LUZP2: variants seen among roughly 807,000 people sequenced by gnomAD.
The protein encoded by LUZP2 is leucine zipper protein 2.
Under a neutral mutation model 51.6 loss-of-function variants are expected in LUZP2, and 52 were observed. The ratio of observed to expected loss-of-function variants is 1.01; its 90% CI spans 0.81 to 1.27. The LOEUF (loss-of-function observed/expected upper bound fraction) is 1.27, where lower values mean the gene tolerates loss of function less well. LUZP2 is among the 50% of genes most tolerant of loss of function. The pLI is 0.00. For synonymous variants in LUZP2, 154 were observed against 137.3 expected (o/e 1.12, Z -0.85); for missense variants, 436 against 395.4 (o/e 1.10, Z -0.87).
chr11:24,995,120 G>A (rs1026033426), intron 9 of LUZP2, among the ~76,000 whole-genome samples: 1 of 152,132 alleles, frequency 6.6e-6, no homozygotes, highest in African/African-American at 2.4e-5. Flanking sequence ...TGGATGTGAT[G>A]GCTCACACCT....
intron 9 of LUZP2, among the ~76,000 whole-genome samples, chr11:24,985,352 C>T (rs1460486255): frequency 8.6e-5 from 13 of 151,482 alleles, no homozygotes; most frequent in Admixed American, 7.3e-4. Flanking sequence ...CAGGAGATGA[C>T]GTATCTTTTA....
chr11:24,963,856 G>C (rs559978308), intron 7 of LUZP2, among the ~76,000 whole-genome samples: 1 of 152,142 alleles, frequency 6.6e-6, no homozygotes, highest in Non-Finnish European at 1.5e-5. Flanking sequence ...CGTCTTCTGC[G>C]TTGCTCATGC....
intron 9 of LUZP2, among the ~76,000 whole-genome samples, chr11:25,026,731 T>C (rs934893345): frequency 2.6e-5 from 4 of 152,110 alleles, no homozygotes; most frequent in Non-Finnish European, 2.9e-5. Context: ...AGTGAACTTA[T>C]ATTTTTCTGA....
chr11:24,545,322 G>A (rs1160045005), intron 1 of LUZP2, among the ~76,000 whole-genome samples: 3 of 151,902 alleles, frequency 2.0e-5, no homozygotes, highest in Non-Finnish European at 4.4e-5. Context: ...AATTACTTTT[G>A]AAGACTTCAT....
At chr11:24,646,079 A>G (rs995274879) in intron 1 of LUZP2, among the ~76,000 whole-genome samples, 2 of 152,034 alleles carry the variant, frequency 1.3e-5, no homozygotes, top group African/African-American at 4.8e-5. Flanking sequence ...GATTCTTTAT[A>G]AAATTTGAAT....
intron 1 of LUZP2, among the ~76,000 whole-genome samples, chr11:24,711,245 C>T (rs186797539): frequency 6.9e-4 from 104 of 151,312 alleles, no homozygotes; most frequent in South Asian, 1.7e-3. Flanking sequence ...GTCAGGAGAT[C>T]GAGACCATCC....
At chr11:24,727,562 G>T (rs1342539258) in intron 1 of LUZP2, among the ~76,000 whole-genome samples, 1 of 152,034 alleles carries the variant, frequency 6.6e-6, no homozygotes, top group African/African-American at 2.4e-5. Flanking sequence ...CACTTAAGAT[G>T]ATTTTGGAGA....
At chr11:25,044,624 A>G (rs1858232761) in intron 9 of LUZP2, among the ~76,000 whole-genome samples, 1 of 152,142 alleles carries the variant, frequency 6.6e-6, no homozygotes, top group Non-Finnish European at 1.5e-5. Flanking sequence ...ACTGTAAACT[A>G]GTTCAACCAT....
chr11:24,904,190 C>T (rs1224173394), intron 5 of LUZP2, among the ~76,000 whole-genome samples: 1 of 152,134 alleles, frequency 6.6e-6, no homozygotes, highest in Non-Finnish European at 1.5e-5. Context: ...GGTAATATTT[C>T]ATTGCATTTT....
At chr11:24,887,383 A>G (rs1398552376) in intron 5 of LUZP2, among the ~76,000 whole-genome samples, 1 of 152,232 alleles carries the variant, frequency 6.6e-6, no homozygotes, top group Non-Finnish European at 1.5e-5. Flanking sequence ...CAGCAAGCAC[A>G]TGGCAACTGG....
intron 4 of LUZP2, among the ~76,000 whole-genome samples, chr11:24,755,182 G>A (rs553941843): frequency 1.3e-4 from 19 of 151,756 alleles, no homozygotes; most frequent in Admixed American, 1.1e-3. Context: ...CACATTAGTC[G>A]CAAATTATTT....
chr11:24,582,832 G>T (rs1028852583), intron 1 of LUZP2, among the ~76,000 whole-genome samples: 2 of 152,028 alleles, frequency 1.3e-5, no homozygotes, highest in African/African-American at 4.8e-5. Flanking sequence ...CTTGTATGAA[G>T]AGTTATAAGT....
chr11:24,568,743 T>C (rs1478184417), intron 1 of LUZP2, among the ~76,000 whole-genome samples: 1 of 152,048 alleles, frequency 6.6e-6, no homozygotes, highest in Non-Finnish European at 1.5e-5. Flanking sequence ...AAAGAAAGAT[T>C]TATAATATTT....
chr11:24,615,057 T>C (rs1854241912), intron 1 of LUZP2, among the ~76,000 whole-genome samples: 1 of 152,046 alleles, frequency 6.6e-6, no homozygotes, highest in African/African-American at 2.4e-5. Flanking sequence ...TTGTTATTAA[T>C]TTTAAAACAT....
At chr11:24,813,031 T>G (rs1457058043) in intron 5 of LUZP2, among the ~76,000 whole-genome samples, 1 of 152,208 alleles carries the variant, frequency 6.6e-6, no homozygotes, top group Non-Finnish European at 1.5e-5. Context: ...CTCACCACAT[T>G]CAGTCTTTCT....
At chr11:24,990,197 A>G (rs1045630668) in intron 9 of LUZP2, among the ~76,000 whole-genome samples, 3 of 152,012 alleles carry the variant, frequency 2.0e-5, no homozygotes, top group African/African-American at 7.2e-5. Context: ...GAGGTAGTTC[A>G]GGTTGCTTAT....
intron 4 of LUZP2, among the ~76,000 whole-genome samples, chr11:24,748,522 C>T (rs146541294): frequency 7.9e-4 from 120 of 151,608 alleles, no homozygotes; most frequent in African/African-American, 2.4e-3. Flanking sequence ...TGCAGTGGCA[C>T]GATCTCAGCT....
At chr11:24,700,425 A>G (rs1048590681) in intron 1 of LUZP2, among the ~76,000 whole-genome samples, 4 of 152,136 alleles carry the variant, frequency 2.6e-5, no homozygotes, top group African/African-American at 4.8e-5. Flanking sequence ...ACTTTCCTAG[A>G]CCACTTAATT....
intron 1 of LUZP2, among the ~76,000 whole-genome samples, chr11:24,545,673 G>T (rs1851517585): frequency 6.7e-6 from 1 of 150,328 alleles, no homozygotes; most frequent in Non-Finnish European, 1.5e-5. Context: ...GTACCATGCT[G>T]TTTTGGTTGC....
Sources: gnomAD v4.1 joint callset for allele counts (sites outside exome capture counted in the v4.1 genomes callset) on GRCh38, gnomAD v4.1.1 for gene constraint, MANE v1.5 for transcripts, NCBI Gene and HGNC (gene_info 2026-07-23, HGNC 2026-07-21) for gene names.